The following RPS6KC1 variants were observed in gnomAD, a reference collection of about 807,000 sequenced individuals.
RPS6KC1 encodes the protein ribosomal protein S6 kinase C1.
A neutral mutation model predicts 103.8 loss-of-function variants in RPS6KC1; 54 were observed. The ratio of observed to expected loss-of-function variants is 0.52; its 90% CI spans 0.42 to 0.65. The LOEUF is 0.65. Among genes scored for constraint, RPS6KC1 ranks in the 30% least tolerant of loss-of-function variants. The probability of loss-of-function intolerance (pLI) is 0.00; values close to 1 mark genes in which losing one functional copy is unlikely to be tolerated. For synonymous variants in RPS6KC1, 439 were observed against 438.7 expected (o/e 1.00, Z -0.01); for missense variants, 1,151 against 1,253.8 (o/e 0.92, Z 1.24).
chr1:213,841,644 C>T, the RPS6KC1 span, among the ~76,000 whole-genome samples: 1 of 152,166 alleles, frequency 6.6e-6, no homozygotes, highest in African/African-American at 2.4e-5. Flanking sequence ...AGTTTTATCC[C>T]TCATAGACAT....
the RPS6KC1 span, among the ~76,000 whole-genome samples, chr1:213,598,870 G>A: frequency 4.6e-5 from 7 of 152,136 alleles, no homozygotes; most frequent in African/African-American, 1.7e-4. Context: ...GAGGTGAGCC[G>A]AGATTGTGCC....
the RPS6KC1 span, among the ~76,000 whole-genome samples, chr1:213,592,123 A>G: frequency 1.3e-5 from 2 of 152,220 alleles, no homozygotes; most frequent in Admixed American, 6.5e-5. Context: ...TGAAATAATC[A>G]AAGACAATGA....
chr1:213,258,491 G>A (rs2149079679), intron 12 of RPS6KC1, among the ~76,000 whole-genome samples: 1 of 152,338 alleles, frequency 6.6e-6, no homozygotes, highest in East Asian at 1.9e-4. Flanking sequence ...TAATTTAACA[G>A]TGTGGCCAAA....
chr1:213,766,810 C>T, the RPS6KC1 span, among the ~76,000 whole-genome samples: 2 of 152,012 alleles, frequency 1.3e-5, no homozygotes, highest in African/African-American at 2.4e-5. Flanking sequence ...GCCGTTGGAC[C>T]TCCCCTTTGC....
At chr1:213,406,341 A>AT in the RPS6KC1 span, among the ~76,000 whole-genome samples, 2 of 151,790 alleles carry the variant, frequency 1.3e-5, no homozygotes, top group African/African-American at 2.4e-5. Context: ...TTTCAGTTGC[A>AT]TTTTTTTCCT....
chr1:213,636,621 G>T, the RPS6KC1 span, among the ~76,000 whole-genome samples: 1 of 152,046 alleles, frequency 6.6e-6, no homozygotes, highest in Non-Finnish European at 1.5e-5. Context: ...AATTCAAGAT[G>T]GATTAAAGAC....
At chr1:213,574,909 G>C in the RPS6KC1 span, among the ~76,000 whole-genome samples, 2 of 152,126 alleles carry the variant, frequency 1.3e-5, no homozygotes, top group Non-Finnish European at 2.9e-5. Flanking sequence ...GAACACAATG[G>C]TGTCCATGAC....
the RPS6KC1 span, among the ~76,000 whole-genome samples, chr1:213,312,004 TCTCCTG>T: frequency 6.6e-6 from 1 of 151,618 alleles, no homozygotes; most frequent in East Asian, 1.9e-4. Context: ...TTCAAGTGAT[TCTCCTG>T]CCTCAGCCTC....
At chr1:213,764,205 G>C in the RPS6KC1 span, among the ~76,000 whole-genome samples, 1 of 152,224 alleles carries the variant, frequency 6.6e-6, no homozygotes, top group Non-Finnish European at 1.5e-5. Context: ...CACGCAGAGA[G>C]AGAAGCTATT....
At chr1:213,543,219 G>A in the RPS6KC1 span, among the ~76,000 whole-genome samples, 4,291 of 152,318 alleles carry the variant, frequency 0.028, 190 homozygotes, top group African/African-American at 0.097. Flanking sequence ...TGTGAGGACA[G>A]CAATGAGCTG....
At chr1:213,741,023 T>TATATATATCTCAGATATATATACACACAC in the RPS6KC1 span, among the ~76,000 whole-genome samples, 6 of 148,136 alleles carry the variant, frequency 4.1e-5, no homozygotes, top group African/African-American at 1.2e-4. Flanking sequence ...TACACACACA[T>TATATATATCTCAGATATATATACACACAC]ATGTGTGTAT....
the RPS6KC1 span, among the ~76,000 whole-genome samples, chr1:213,775,219 C>CTATTT: frequency 1.3e-5 from 2 of 152,160 alleles, no homozygotes. Flanking sequence ...TACCATGAAA[C>CTATTT]TATTTATACA....
chr1:213,270,491 A>G (rs2095021583), intron 14 of RPS6KC1, among the ~76,000 whole-genome samples: 1 of 152,222 alleles, frequency 6.6e-6, no homozygotes, highest in Non-Finnish European at 1.5e-5. Flanking sequence ...AATGAAGACA[A>G]TAGAGTGGGT....
chr1:213,389,749 C>T, the RPS6KC1 span, among the ~76,000 whole-genome samples: 1 of 152,204 alleles, frequency 6.6e-6, no homozygotes, highest in Non-Finnish European at 1.5e-5. Context: ...TTCCCTCTTT[C>T]CCGGTCCTCT....
At chr1:213,360,542 C>G in the RPS6KC1 span, among the ~76,000 whole-genome samples, 1,147 of 152,318 alleles carry the variant, frequency 7.5e-3, 18 homozygotes, top group African/African-American at 0.026. Context: ...CGTCTGAAGC[C>G]TTCTTCTCTC....
At chr1:213,320,962 C>T in the RPS6KC1 span, among the ~76,000 whole-genome samples, 2 of 152,058 alleles carry the variant, frequency 1.3e-5, no homozygotes, top group African/African-American at 4.8e-5. Context: ...CCATTCAGGC[C>T]CCTGACGGTG....
At chr1:213,443,131 C>T in the RPS6KC1 span, among the ~76,000 whole-genome samples, 1 of 152,178 alleles carries the variant, frequency 6.6e-6, no homozygotes. Context: ...AGCAATTTGG[C>T]AGAGTAGGAG....
the RPS6KC1 span, among the ~76,000 whole-genome samples, chr1:213,471,256 A>G: frequency 6.6e-6 from 1 of 152,190 alleles, no homozygotes; most frequent in African/African-American, 2.4e-5. Flanking sequence ...CTCCAGGCTC[A>G]TCTTGTGTAT....
At chr1:213,744,783 G>T in the RPS6KC1 span, among the ~76,000 whole-genome samples, 2 of 152,374 alleles carry the variant, frequency 1.3e-5, no homozygotes, top group South Asian at 4.1e-4. Flanking sequence ...TCTTTGTAGG[G>T]AAGGGAAGGT....
Sources: allele counts gnomAD v4.1 joint callset (sites outside exome capture counted in the v4.1 genomes callset), GRCh38; gene constraint gnomAD v4.1.1; transcripts MANE v1.5; gene names NCBI Gene and HGNC (gene_info 2026-07-23, HGNC 2026-07-21).